The following PCF11 variants were observed in gnomAD, a reference collection of about 807,000 sequenced individuals.
The protein encoded by PCF11 is PCF11 cleavage and polyadenylation factor subunit.
Under a neutral mutation model 166.1 loss-of-function variants are expected in PCF11, and 19 were observed. That is an observed-to-expected ratio of 0.11 (90% CI 0.08 to 0.17). The LOEUF (loss-of-function observed/expected upper bound fraction) is 0.17. PCF11 is among the 10% of genes least tolerant of loss of function. The pLI is 1.00. For synonymous variants in PCF11, 663 were observed against 644.1 expected (o/e 1.03, Z -0.44); for missense variants, 1,565 against 1,855.5 (o/e 0.84, Z 2.88).
intron 13 of PCF11, 31 bp from the exon 14 acceptor site, chr11:83,182,368 G>A (rs928186403): frequency 3.5e-6 from 4 of 1,145,178 alleles, no homozygotes; most frequent in Non-Finnish European, 5.2e-6. Context: ...GGTCTATTAT[G>A]TAAATTTCAT....
chr11:83,176,837 T>TA (rs1243603022), intron 9 of PCF11, among the ~76,000 whole-genome samples: 45 of 145,998 alleles, frequency 3.1e-4, no homozygotes, highest in Admixed American at 1.8e-3. Flanking sequence ...AAAAGTATAA[T>TA]AAAAAAACAA....
At chr11:83,169,804 C>G in exon 8 of PCF11, 1 of 1,613,616 alleles carries the variant, frequency 6.2e-7, no homozygotes, top group African/African-American at 1.3e-5. Flanking sequence ...AAGACATGAA[C>G]AAATATTTGA....
chr11:83,166,693 C>G (rs764854413), exon 5 of PCF11: 2 of 1,598,652 alleles, frequency 1.3e-6, no homozygotes, highest in Admixed American at 1.8e-5. Context: ...AGATGGAAAT[C>G]TGGTTGGGAA....
intron 11 of PCF11, among the ~76,000 whole-genome samples, chr11:83,178,943 A>G (rs998224869): frequency 6.6e-6 from 1 of 152,180 alleles, no homozygotes; most frequent in Admixed American, 6.5e-5. Context: ...CATTTGGTGC[A>G]TATCTTTTCA....
intron 9 of PCF11, among the ~76,000 whole-genome samples, 165 bp from the exon 10 acceptor site, chr11:83,176,920 A>G (rs1860905024): frequency 6.6e-6 from 1 of 152,214 alleles, no homozygotes; most frequent in South Asian, 2.1e-4. Context: ...AGATAATCTT[A>G]GGGGCTTTTG....
In PCF11 at chr11:83,167,781, G is replaced by C. The variant is rs1325048562; in HGVS notation, c.2092+276G>C. 1.4e-6 allele frequency: 2 copies of C among 1,401,644 alleles called. No homozygotes were observed. The highest frequency in any genetic ancestry group is 2.4e-5 in the South Asian group (2 of 82,048). The allele number at this position is 1,401,644 out of a possible 1,614,324, so 86.8% of individuals were successfully genotyped here. A position where few individuals can be genotyped will look rare whatever the true frequency, so the allele number is the denominator to read the frequency against. ...TAGTGGAGCACAGTTTGACAGAAAA[G>C]AACAATTTAGTGAAAGAGCAAGACG... is the stretch of plus-strand genomic sequence containing the variant. On this transcript the variant is annotated intron_variant, in intron 7 of 15. Transcript: ENST00000298281. The surrounding 1 kb of genome is among the most constrained non-coding windows in gnomAD (Gnocchi z 4.2).
At chr11:83,166,480 A>T (rs1860464588) in exon 5 of PCF11, 1 of 1,613,882 alleles carries the variant, frequency 6.2e-7, no homozygotes, top group African/African-American at 1.3e-5. Context: ...GGAGCTAAGC[A>T]GTCACATATG....
At chr11:83,179,140 A>G (rs547525453) in intron 11 of PCF11, among the ~76,000 whole-genome samples, 1 of 152,260 alleles carries the variant, frequency 6.6e-6, no homozygotes, top group East Asian at 1.9e-4. Flanking sequence ...CTTTCACATA[A>G]AGGCTTTTAA....
chr11:83,169,552 C>A, exon 8 of PCF11: 1 of 1,613,954 alleles, frequency 6.2e-7, no homozygotes, highest in African/African-American at 1.3e-5. Context: ...GCCAGGCCCT[C>A]AGAGGTTTGA....
chr11:83,175,235 C>T (rs1244861630), intron 9 of PCF11, among the ~76,000 whole-genome samples: 11 of 152,076 alleles, frequency 7.2e-5, no homozygotes, highest in African/African-American at 1.2e-4. Context: ...CAGTTTCAAA[C>T]GATTCTCATG....
chr11:83,185,564 TCAAA>T (rs1200019701), exon 16 of PCF11: 1 of 152,552 alleles, frequency 6.6e-6, no homozygotes, highest in Non-Finnish European at 1.5e-5. Flanking sequence ...ACTGATGCCA[TCAAA>T]CAATTAACAA....
exon 16 of PCF11, chr11:83,185,324 A>G (rs1451552454): frequency 6.5e-6 from 1 of 153,974 alleles, no homozygotes; most frequent in African/African-American, 2.4e-5. Context: ...CCACTGATTA[A>G]AGAAGCAAGT....
intron 9 of PCF11, among the ~76,000 whole-genome samples, chr11:83,176,243 A>G (rs187894701): frequency 1.3e-5 from 2 of 152,300 alleles, no homozygotes; most frequent in African/African-American, 4.8e-5. Context: ...TGTTGTCAGC[A>G]TTTGTTTTAG....
exon 8 of PCF11, chr11:83,169,401 G>A (rs1860596688): frequency 8.1e-6 from 13 of 1,613,782 alleles, no homozygotes; most frequent in Non-Finnish European, 1.1e-5. Flanking sequence ...GAATTGAAGG[G>A]CCTCTGGGTC....
exon 8 of PCF11, chr11:83,168,458 A>G (rs759770055): frequency 9.3e-6 from 15 of 1,607,312 alleles, no homozygotes; most frequent in Admixed American, 6.7e-5. Context: ...TCTCCATTCA[A>G]TGATCGTTTT....
chr11:83,176,171 T>C (rs1565159882), intron 9 of PCF11, among the ~76,000 whole-genome samples: 3 of 152,168 alleles, frequency 2.0e-5, no homozygotes, highest in Non-Finnish European at 4.4e-5. Flanking sequence ...AGGTGGAAAG[T>C]TGGAGATGGG....
intron 9 of PCF11, among the ~76,000 whole-genome samples, chr11:83,173,719 C>CTTTTTTTTTTTTTTT (rs869126679): frequency 1.7e-5 from 1 of 59,060 alleles, no homozygotes. Flanking sequence ...TTCTTTCTTT[C>CTTTTTTTTTTTTTTT]TTTTTTTTTT....
intron 11 of PCF11, among the ~76,000 whole-genome samples, chr11:83,178,170 C>A (rs1391496358): frequency 6.6e-6 from 1 of 151,978 alleles, no homozygotes; most frequent in East Asian, 1.9e-4. Flanking sequence ...CAGGTGTGCA[C>A]CACCATACCC....
At chr11:83,173,128 A>G (rs577575648) in intron 9 of PCF11, among the ~76,000 whole-genome samples, 11 of 152,330 alleles carry the variant, frequency 7.2e-5, no homozygotes, top group Middle Eastern at 3.4e-3. Flanking sequence ...GCTTTAAGCA[A>G]GTATCTCCCC....
Sources: gnomAD v4.1 joint callset for allele counts (sites outside exome capture counted in the v4.1 genomes callset) on GRCh38, gnomAD v4.1.1 for gene constraint, Gnocchi (gnomAD v3.1) non-coding constraint, MANE v1.5 for transcripts, NCBI Gene and HGNC (gene_info 2026-07-23, HGNC 2026-07-21) for gene names.